The following CFAP263 variants were observed in gnomAD, a reference collection of about 807,000 sequenced individuals.
CFAP263 encodes the protein cilia and flagella associated protein 263, also known as cilia- and flagella-associated protein 263.
chr16:58,259,234 C>G, the CFAP263 span, among the ~76,000 whole-genome samples: 1 of 151,948 alleles, frequency 6.6e-6, no homozygotes, highest in South Asian at 2.1e-4. Context: ...TTAAAAAAAC[C>G]TTTAAAAAAA....
chr16:58,261,258 T>C, the CFAP263 span, among the ~76,000 whole-genome samples: 3 of 152,062 alleles, frequency 2.0e-5, no homozygotes, highest in Non-Finnish European at 4.4e-5. Context: ...GCTGGGGCTG[T>C]GGATGGAGGT....
the CFAP263 span, chr16:58,280,856 G>A: frequency 1.8e-5 from 21 of 1,190,878 alleles, no homozygotes; most frequent in South Asian, 6.7e-5. Flanking sequence ...AATGTTTTAC[G>A]CTGGTTCTCA....
At chr16:58,262,787 A>ATAGATAGATAGATAGATAGGTAGG in the CFAP263 span, among the ~76,000 whole-genome samples, 2 of 150,466 alleles carry the variant, frequency 1.3e-5, no homozygotes, top group Non-Finnish European at 3.0e-5. Flanking sequence ...AGATAGATAG[A>ATAGATAGATAGATAGATAGGTAGG]TAGATAGATA....
chr16:58,255,897 A>G, the CFAP263 span, among the ~76,000 whole-genome samples: 3 of 152,170 alleles, frequency 2.0e-5, no homozygotes, highest in Non-Finnish European at 4.4e-5. Flanking sequence ...ACACGTGCCC[A>G]TGGTTTGTGC....
chr16:58,271,569 C>T, the CFAP263 span, among the ~76,000 whole-genome samples: 1 of 152,186 alleles, frequency 6.6e-6, no homozygotes, highest in Admixed American at 6.5e-5. Context: ...GAGACAGTTT[C>T]TCAGAATTTC....
the CFAP263 span, among the ~76,000 whole-genome samples, chr16:58,268,242 A>G: frequency 6.6e-6 from 1 of 152,136 alleles, no homozygotes; most frequent in Admixed American, 6.5e-5. Context: ...GCCTGTGTAA[A>G]TTGCAATTTA....
chr16:58,279,317 T>C, the CFAP263 span, among the ~76,000 whole-genome samples: 7 of 152,140 alleles, frequency 4.6e-5, no homozygotes, highest in Admixed American at 3.9e-4. Flanking sequence ...AGACCCTGGC[T>C]CCCATTTCCT....
chr16:58,250,017 G>T, the CFAP263 span: 1 of 1,586,688 alleles, frequency 6.3e-7, no homozygotes, highest in South Asian at 1.1e-5. Flanking sequence ...GCAGAGTGAT[G>T]ACTGATGATG....
At chr16:58,280,432 T>C in the CFAP263 span, 3 of 1,614,194 alleles carry the variant, frequency 1.9e-6, no homozygotes, top group Non-Finnish European at 2.5e-6. Flanking sequence ...TCTAGAGCTG[T>C]TTCCTAGTCG....
chr16:58,252,153 T>G, the CFAP263 span, among the ~76,000 whole-genome samples: 1 of 152,230 alleles, frequency 6.6e-6, no homozygotes, highest in East Asian at 1.9e-4. Context: ...AGGATCACTT[T>G]AGGCCAGGAG....
chr16:58,257,010 A>ATTTATTTTTTTTTTTT, the CFAP263 span, among the ~76,000 whole-genome samples: 2 of 50,188 alleles, frequency 4.0e-5, no homozygotes, highest in African/African-American at 9.4e-5. Context: ...GCATATATGA[A>ATTTATTTTTTTTTTTT]TTTCTTTTTT....
At chr16:58,258,721 C>T in the CFAP263 span, among the ~76,000 whole-genome samples, 1 of 152,278 alleles carries the variant, frequency 6.6e-6, no homozygotes, top group East Asian at 1.9e-4. Context: ...TGCAGTGGCT[C>T]ATGCCTGTAA....
the CFAP263 span, chr16:58,262,463 A>T: frequency 6.2e-7 from 1 of 1,613,228 alleles, no homozygotes; most frequent in Non-Finnish European, 8.5e-7. Context: ...TCTTGAGACA[A>T]TTGAAGCAAG....
the CFAP263 span, chr16:58,280,114 G>A: frequency 2.5e-5 from 28 of 1,122,094 alleles, no homozygotes; most frequent in African/African-American, 3.3e-4. Context: ...GGGCTTATCC[G>A]TGGCAGCCCC....
chr16:58,260,476 G>A, the CFAP263 span, among the ~76,000 whole-genome samples: 1 of 152,188 alleles, frequency 6.6e-6, no homozygotes, highest in Non-Finnish European at 1.5e-5. Context: ...TGATGACTGT[G>A]CAGGCAAATC....
chr16:58,266,873 G>A, the CFAP263 span, among the ~76,000 whole-genome samples: 8 of 152,164 alleles, frequency 5.3e-5, no homozygotes, highest in African/African-American at 1.2e-4. Flanking sequence ...GTCCGGCCTC[G>A]TTAGGCGATG....
At chr16:58,272,164 C>T in the CFAP263 span, among the ~76,000 whole-genome samples, 5 of 151,892 alleles carry the variant, frequency 3.3e-5, no homozygotes, top group Admixed American at 2.0e-4. Context: ...TGCAGGCACC[C>T]GCCACCACGC....
chr16:58,267,375 C>G, the CFAP263 span: 1 of 796,622 alleles, frequency 1.3e-6, no homozygotes, highest in South Asian at 1.8e-5. Flanking sequence ...TTTGGACTTT[C>G]TGGATGGTCC....
At chr16:58,274,777 A>G in the CFAP263 span, among the ~76,000 whole-genome samples, 1 of 152,186 alleles carries the variant, frequency 6.6e-6, no homozygotes, top group Non-Finnish European at 1.5e-5. Flanking sequence ...TAGCAGTGTG[A>G]AAACAGACAA....
Sources: gnomAD v4.1 joint callset for allele counts (sites outside exome capture counted in the v4.1 genomes callset) on GRCh38, gnomAD v4.1.1 for gene constraint, MANE v1.5 for transcripts, NCBI Gene and HGNC (gene_info 2026-07-23, HGNC 2026-07-21) for gene names.